The following RPS6KA2 variants were observed in gnomAD, a reference collection of about 807,000 sequenced individuals.
RPS6KA2 encodes the protein ribosomal protein S6 kinase A2.
RPS6KA2 carries 42 observed loss-of-function variants against 91.8 expected under a neutral mutation model. The observed-to-expected ratio is 0.46, with a 90% CI of 0.36 to 0.59. The LOEUF is 0.59. RPS6KA2 is among the 20% of genes least tolerant of loss of function. The probability of loss-of-function intolerance (pLI) is 0.00; values close to 1 mark genes in which losing one functional copy is unlikely to be tolerated. For synonymous variants in RPS6KA2, 414 were observed against 393.6 expected, an observed-to-expected ratio of 1.05 and a Z score of -0.61; for missense variants, 798 against 978.5, an observed-to-expected ratio of 0.82 and a Z score of 2.46.
Position 166,563,677 on chromosome 6 carries a change from T to C in RPS6KA2, c.100-24893A>G, listed in dbSNP as rs1412226067. ...TGGGCAAGGTATCTGCTTAAAGACA[T>C]TGATGGATTTTATGAAGAAAATATT... is the stretch of plus-strand genomic sequence containing the variant. On this transcript the variant is annotated intron_variant, in intron 1 of 20. Coordinates refer to ENST00000265678, the MANE Select transcript of RPS6KA2 (RefSeq NM_021135.6). This position sits in a 1 kb window ranked among gnomAD's most constrained non-coding sequence, Gnocchi z 4.1. Among the ~76,000 whole-genome samples, 10 of 150,708 alleles carry C rather than the reference T, an allele frequency of 6.6e-5. No homozygotes were observed. Among genetic ancestry groups the C allele is most frequent in the African/African-American group, 2.4e-5 (1 of 41,224 alleles).
rs970980936 is a variant in RPS6KA2, at chr6:166,435,831, G to C, written c.1333-3341C>G. Among the ~76,000 whole-genome samples, 5 of 152,242 alleles carry C rather than the reference G, an allele frequency of 3.3e-5. No individual in the cohort carries two copies. Among genetic ancestry groups the C allele is most frequent in the Admixed American group, 3.3e-4 (5 of 15,290 alleles). On this transcript the variant is annotated intron_variant, in intron 14 of 20. Transcript: ENST00000265678. This position sits in a 1 kb window ranked among gnomAD's most constrained non-coding sequence, Gnocchi z 4.3. ...TGTCTGCAGGCTCAGCTCCCGTGGA[G>C]GGCTGGAAAGGTGGAGGAAGGCGTT...
intron 2 of RPS6KA2, among the ~76,000 whole-genome samples, chr6:166,788,056 CA>C (rs1333592954): frequency 6.6e-6 from 1 of 150,722 alleles, no homozygotes; most frequent in Non-Finnish European, 1.5e-5. Context: ...GACATTTATG[CA>C]GCCAACAGAC....
At chr6:166,650,289 A>G (rs1001794373) in intron 2 of RPS6KA2, among the ~76,000 whole-genome samples, 4 of 152,068 alleles carry the variant, frequency 2.6e-5, no homozygotes, top group Admixed American at 2.6e-4. Flanking sequence ...TCATCACCAC[A>G]TTCTTATTCA....
chr6:166,606,844 G>T (rs1303468576), intron 1 of RPS6KA2, among the ~76,000 whole-genome samples: 1 of 151,962 alleles, frequency 6.6e-6, no homozygotes, highest in Non-Finnish European at 1.5e-5. Context: ...AACAAGTGGG[G>T]AAAAAATGGA....
chr6:166,679,049 T>C (rs1465431480), intron 2 of RPS6KA2, among the ~76,000 whole-genome samples: 1 of 152,216 alleles, frequency 6.6e-6, no homozygotes, highest in Admixed American at 6.5e-5. Context: ...CAAAACCTGG[T>C]TGACCAATTA....
At chr6:166,485,389 T>C (rs9295351) in intron 10 of RPS6KA2, among the ~76,000 whole-genome samples, 27,158 of 152,164 alleles carry the variant, frequency 0.18, 2,788 homozygotes, top group African/African-American at 0.28. Context: ...AGGCGTGTCC[T>C]GAAGTGGGTT....
chr6:166,485,870 C>T (rs965403691), intron 10 of RPS6KA2, among the ~76,000 whole-genome samples: 1 of 152,200 alleles, frequency 6.6e-6, no homozygotes, highest in Non-Finnish European at 1.5e-5. Flanking sequence ...CATCTCCCAC[C>T]ACTGGGACCC....
At chr6:166,826,109 A>G (rs1475991661) in intron 2 of RPS6KA2, among the ~76,000 whole-genome samples, 4 of 152,250 alleles carry the variant, frequency 2.6e-5, no homozygotes, top group Non-Finnish European at 5.9e-5. Flanking sequence ...AGTTTTACTA[A>G]GAAAAACAAA....
intron 2 of RPS6KA2, among the ~76,000 whole-genome samples, chr6:166,638,324 C>T (rs538426263): frequency 5.9e-4 from 90 of 152,332 alleles, no homozygotes; most frequent in African/African-American, 2.1e-3. Flanking sequence ...GCTCCAGCCA[C>T]TGGACCCTCC....
At chr6:166,583,933 C>T (rs1261630638) in intron 1 of RPS6KA2, among the ~76,000 whole-genome samples, 1 of 152,190 alleles carries the variant, frequency 6.6e-6, no homozygotes, top group Non-Finnish European at 1.5e-5. Flanking sequence ...CATCACCTTA[C>T]CCCATAGTGA....
At chr6:166,714,933 G>A (rs914979803) in intron 2 of RPS6KA2, among the ~76,000 whole-genome samples, 3 of 152,240 alleles carry the variant, frequency 2.0e-5, no homozygotes, top group African/African-American at 4.8e-5. Context: ...TCTCTCTGCT[G>A]CAGGCCAGGC....
rs1230678647 is a variant in RPS6KA2, at chr6:166,490,272, C to T, written c.818+399G>A. On this transcript the variant is annotated intron_variant, in intron 9 of 20. Transcript: ENST00000265678. The surrounding 1 kb of genome is among the most constrained non-coding windows in gnomAD (Gnocchi z 4.2). ...TCCTGTGATCTCTCCGGACAAGGCC[C>T]TGGAGGCCTTGTGTCTTTTTCCGTC... Among the ~76,000 whole-genome samples the T allele has an allele frequency of 6.6e-6, 1 of 152,144 alleles. No homozygotes were observed. Among genetic ancestry groups the T allele is most frequent in the Non-Finnish European group, 1.5e-5 (1 of 68,016 alleles).
intron 2 of RPS6KA2, among the ~76,000 whole-genome samples, chr6:166,742,770 T>C (rs1790852796): frequency 6.6e-6 from 1 of 152,210 alleles, no homozygotes; most frequent in Non-Finnish European, 1.5e-5. Flanking sequence ...AGTTCCAAGC[T>C]AGCAGGGATT....
chr6:166,512,011 T>C (rs1782492096), intron 3 of RPS6KA2, among the ~76,000 whole-genome samples: 2 of 152,288 alleles, frequency 1.3e-5, no homozygotes, highest in South Asian at 2.1e-4. Context: ...ATGGCAGCAT[T>C]ATTTACAACA....
chr6:166,810,217 C>T (rs1424644250), intron 2 of RPS6KA2, among the ~76,000 whole-genome samples: 3 of 152,130 alleles, frequency 2.0e-5, no homozygotes, highest in African/African-American at 4.8e-5. Context: ...CACCTAGTCC[C>T]GCCCTCAACA....
Position 166,665,440 on chromosome 6 carries a change from C to T in RPS6KA2, c.124-126656G>A, listed in dbSNP as rs969502280. Among the ~76,000 whole-genome samples, 3 of 152,164 alleles carry T rather than the reference C, an allele frequency of 2.0e-5. No homozygotes were observed. The highest frequency in any genetic ancestry group is 1.5e-5 in the Non-Finnish European group (1 of 68,028). On this transcript the variant is annotated intron_variant, in intron 2 of 21. Coordinates refer to the RPS6KA2 transcript ENST00000503859. This position sits in a 1 kb window ranked among gnomAD's most constrained non-coding sequence, Gnocchi z 4.5. ...TTGCAGCAGCAGCTGCACAAAGCTG[C>T]TGGACAAAGCCGAATCTCCAGGAGC...
In RPS6KA2 at chr6:166,429,180, G is replaced by A. The variant is rs540187510; in HGVS notation, c.1581+1273C>T. On this transcript the variant is annotated intron_variant, in intron 16 of 20. Transcript: ENST00000265678. ...AGATCATCATTCTCAGTAAACCGTC[G>A]CAAGGACAAAAAACCAAACACTGCA... Among the ~76,000 whole-genome samples the A allele has an allele frequency of 1.1e-4, 17 of 150,430 alleles. No homozygotes were observed. The East Asian group carries it at 1.8e-3, about 16-fold the overall frequency.
chr6:166,442,708 T>C (rs937408042), intron 14 of RPS6KA2, among the ~76,000 whole-genome samples: 1 of 152,246 alleles, frequency 6.6e-6, no homozygotes, highest in South Asian at 2.1e-4. Context: ...GGTGGCAAAA[T>C]TGGCACTCGA....
chr6:166,466,711 T>C (rs1196895174), intron 11 of RPS6KA2, among the ~76,000 whole-genome samples: 1 of 152,246 alleles, frequency 6.6e-6, no homozygotes, highest in Non-Finnish European at 1.5e-5. Flanking sequence ...GTCTCACTCA[T>C]TCATTCACTG....
Sources: gnomAD v4.1 joint callset for allele counts (sites outside exome capture counted in the v4.1 genomes callset) on GRCh38, gnomAD v4.1.1 for gene constraint, Gnocchi (gnomAD v3.1) non-coding constraint, MANE v1.5 for transcripts, NCBI Gene and HGNC (gene_info 2026-07-23, HGNC 2026-07-21) for gene names.